The following ATP7A variants were observed in gnomAD, a reference collection of about 807,000 sequenced individuals.
ATP7A encodes the protein copper-transporting ATPase 1.
Under a neutral mutation model 83.5 loss-of-function variants are expected in ATP7A, and 7 were observed. The observed-to-expected ratio is 0.08, with a 90% CI of 0.05 to 0.16. The LOEUF (loss-of-function observed/expected upper bound fraction) is 0.16, where lower values mean the gene tolerates loss of function less well. ATP7A is among the 10% of genes least tolerant of loss of function. ATP7A has a pLI of 1.00. For synonymous variants in ATP7A, 354 were observed against 395.2 expected, an observed-to-expected ratio of 0.90 and a Z score of 1.24; for missense variants, 940 against 1,120.8, an observed-to-expected ratio of 0.84 and a Z score of 2.30.
intron 6 of ATP7A, among the ~76,000 whole-genome samples, chrX:78,005,265 A>C (rs1400699884): frequency 3.6e-5 from 4 of 112,084 alleles, no homozygotes; most frequent in African/African-American, 9.7e-5. Context: ...TTTATCATAC[A>C]TCAATCCATC....
At chrX:77,955,335 G>A (rs919394109) in intron 1 of ATP7A, among the ~76,000 whole-genome samples, 1 of 111,052 alleles carries the variant, frequency 9.0e-6, no homozygotes, top group South Asian at 3.7e-4. Context: ...ATTTTAAAAT[G>A]TATTAGATGG....
In ATP7A at chrX:77,997,770, C is replaced by T. The variant is rs1335816626; in HGVS notation, c.1337-708C>T. 4.5e-5 allele frequency among the ~76,000 whole-genome samples: 5 copies of T among 110,938 alleles called. No homozygotes were observed. In the Admixed American group the frequency reaches 4.8e-4, roughly 11 times the overall value. ...AGCTTCCACAGTCCATAAAGATTCT[C>T]TGAATACTCCATTGTGCAAAATAGA... On this transcript the variant is annotated intron_variant, in intron 4 of 22. Coordinates refer to ENST00000341514, the MANE Select transcript of ATP7A (RefSeq NM_000052.7).
Position 78,046,678 on chromosome X carries a change from A to G in ATP7A, c.*108A>G, listed in dbSNP as rs888847599. 7.8e-6 allele frequency: 8 copies of G among 1,024,373 alleles called. No individual in the cohort carries two copies. Among genetic ancestry groups the G allele is most frequent in the Non-Finnish European group, 1.1e-5 (8 of 735,723 alleles). 84.4% of individuals were successfully genotyped at this position (1,024,373 alleles called of 1,213,427 possible). On this transcript the variant is annotated 3_prime_UTR_variant, in exon 23 of 23. Coordinates refer to ENST00000341514, the MANE Select transcript of ATP7A (RefSeq NM_000052.7). ...GTAGAAGGATTTTTCTCATGCTCTT[A>G]TATTAGGGATTCTATTTGAGTTGCG...
At chrX:78,042,142 A>G (rs998559384) in intron 19 of ATP7A, among the ~76,000 whole-genome samples, 2 of 107,833 alleles carry the variant, frequency 1.9e-5, no homozygotes, top group African/African-American at 3.5e-5. Flanking sequence ...AAAAAGTTAC[A>G]AAGTTACTTT....
intron 2 of ATP7A, among the ~76,000 whole-genome samples, chrX:77,985,321 G>A (rs1166010090): frequency 9.3e-6 from 1 of 107,223 alleles, no homozygotes; most frequent in Non-Finnish European, 1.9e-5. Context: ...CCTGGCCTGA[G>A]GAAGTGATTT....
chrX:78,008,564 AAC>A (rs2077793544), intron 6 of ATP7A, among the ~76,000 whole-genome samples: 1 of 111,541 alleles, frequency 9.0e-6, no homozygotes, highest in Admixed American at 9.6e-5. Context: ...GGATACAAGA[AAC>A]AATAATAAAT....
At chrX:77,933,256 A>C (rs2077299787) in intron 1 of ATP7A, among the ~76,000 whole-genome samples, 1 of 111,951 alleles carries the variant, frequency 8.9e-6, no homozygotes, top group South Asian at 3.7e-4. Flanking sequence ...ACAGCTAGCA[A>C]GCAGCAGAGA....
chrX:77,935,654 T>G (rs1255353910), intron 1 of ATP7A, among the ~76,000 whole-genome samples: 1 of 111,825 alleles, frequency 8.9e-6, no homozygotes, highest in Non-Finnish European at 1.9e-5. Context: ...GCTTCTAGGG[T>G]TGTATGATTT....
chrX:78,001,662 A>G (rs1557233158), intron 5 of ATP7A, among the ~76,000 whole-genome samples: 1 of 110,690 alleles, frequency 9.0e-6, no homozygotes, highest in African/African-American at 3.3e-5. Flanking sequence ...TTCTTTTTTT[A>G]TCAAACCTCA....
chrX:77,922,964 C>A (rs2077223479), intron 1 of ATP7A: 1 of 112,405 alleles, frequency 8.9e-6, no homozygotes, highest in Admixed American at 9.5e-5. Context: ...CAGCACTCAG[C>A]AGTCTCATGA....
chrX:78,045,112 G>A (rs1337617594), intron 21 of ATP7A, among the ~76,000 whole-genome samples: 1 of 112,360 alleles, frequency 8.9e-6, no homozygotes, highest in African/African-American at 3.2e-5. Flanking sequence ...GGATGAGTTT[G>A]TAGAACATGA....
chrX:77,928,905 CT>C (rs2077257702), intron 1 of ATP7A, among the ~76,000 whole-genome samples: 1 of 111,582 alleles, frequency 9.0e-6, no homozygotes, highest in South Asian at 3.7e-4. Context: ...CCCCTGCCCC[CT>C]AGTCATCATT....
At chrX:77,965,339 T>C in intron 1 of ATP7A, 1 of 309,440 alleles carries the variant, frequency 3.2e-6, no homozygotes, top group Non-Finnish European at 6.2e-6. Context: ...CAAAATAACC[T>C]TATTAAAAAT....
intron 14 of ATP7A, among the ~76,000 whole-genome samples, chrX:78,022,501 G>GTTTA (rs1224575072): frequency 0.071 from 5,315 of 74,813 alleles, 299 homozygotes; most frequent in African/African-American, 0.19. Flanking sequence ...TTGTTTGTTT[G>GTTTA]TTTGTTTATT....
chrX:78,046,238 G>A, intron 22 of ATP7A, 56 bp from the exon 23 acceptor site: 5 of 1,157,165 alleles, frequency 4.3e-6, no homozygotes, highest in East Asian at 3.0e-5. Context: ...TGCATGTAGC[G>A]AGCATCTCAT....
intron 10 of ATP7A, among the ~76,000 whole-genome samples, chrX:78,014,157 C>CA (rs1485009320): frequency 9.1e-6 from 1 of 110,278 alleles, no homozygotes. Flanking sequence ...CCTGTAATCC[C>CA]AGCGCTTTGG....
Position 78,011,662 on chromosome X carries a change from T to C in ATP7A, c.2160T>C (p.Cys720=), listed in dbSNP as rs797045346. 6 of 1,208,249 alleles carry C rather than the reference T, an allele frequency of 5.0e-6. No individual in the cohort carries two copies. Among genetic ancestry groups the C allele is most frequent in the Non-Finnish European group, 6.7e-6 (6 of 892,304 alleles). ...TGAATTTGCTGTCCTTTTTATTGTG[T>C]GTACCTGTACAGGCAAGTGAATTGT... ...SVMNLLSFLL[C]VPVQFFGGWY... Residue 720 remains cysteine, a synonymous_variant, in exon 9 of 23, where the codon TGT becomes TGC. Transcript: ENST00000341514.
intron 1 of ATP7A, among the ~76,000 whole-genome samples, chrX:77,931,009 C>CTTTTTTTTTTTTTTTT (rs11379657): frequency 5.9e-5 from 4 of 67,263 alleles, no homozygotes; most frequent in African/African-American, 6.0e-5. Context: ...TTTTTTTTAC[C>CTTTTTTTTTTTTTTTT]TTTTTTTTTA....
intron 2 of ATP7A, among the ~76,000 whole-genome samples, chrX:77,985,471 G>A (rs2077630686): frequency 9.0e-6 from 1 of 110,549 alleles, no homozygotes; most frequent in Non-Finnish European, 1.9e-5. Flanking sequence ...CCTTTACGTT[G>A]GTACTTTATC....
Sources: allele counts gnomAD v4.1 joint callset (sites outside exome capture counted in the v4.1 genomes callset), GRCh38; gene constraint gnomAD v4.1.1; transcripts MANE v1.5; gene names NCBI Gene and HGNC (gene_info 2026-07-23, HGNC 2026-07-21).